Variants in ZDHHC2 observed in about 807,000 individuals in gnomAD.
ZDHHC2 encodes zDHHC palmitoyltransferase 2.
In ZDHHC2, 51 loss-of-function variants were observed where a neutral mutation model predicts 55.6. The observed-to-expected ratio is 0.92, with a 90% CI of 0.73 to 1.16. The LOEUF (loss-of-function observed/expected upper bound fraction) is 1.16, where lower values mean the gene tolerates loss of function less well. Among genes scored for constraint, ZDHHC2 ranks in the 50% most tolerant of loss-of-function variants. The pLI, the probability that ZDHHC2 is intolerant of heterozygous loss-of-function variation, is 0.00. For missense variants in ZDHHC2, 491 were observed against 442.4 expected, an observed-to-expected ratio of 1.11 and a Z score of -0.99; for synonymous variants, 199 against 152.9, an observed-to-expected ratio of 1.30 and a Z score of -2.22.
intron 3 of ZDHHC2, among the ~76,000 whole-genome samples, chr8:17,188,686 C>A (rs1020453744): frequency 1.3e-5 from 2 of 152,014 alleles, no homozygotes; most frequent in African/African-American, 4.8e-5. Flanking sequence ...ATGTGTCACC[C>A]CAGTGCCGCA....
intron 1 of ZDHHC2, among the ~76,000 whole-genome samples, chr8:17,182,675 T>TA (rs1352967080): frequency 2.0e-5 from 3 of 152,156 alleles, no homozygotes; most frequent in Non-Finnish European, 4.4e-5. Context: ...ATAATAGCTT[T>TA]AAAAACAAAG....
intron 1 of ZDHHC2, among the ~76,000 whole-genome samples, chr8:17,170,566 A>G (rs1226514479): frequency 1.3e-5 from 2 of 152,230 alleles, no homozygotes; most frequent in Non-Finnish European, 2.9e-5. Context: ...TACTCAACAT[A>G]TAGCTGCTAA....
chr8:17,192,392 ATATACC>A (rs1176993277), intron 3 of ZDHHC2, among the ~76,000 whole-genome samples: 1 of 152,192 alleles, frequency 6.6e-6, no homozygotes, highest in African/African-American at 2.4e-5. Context: ...GCACATCTTC[ATATACC>A]TGTTTGCCCT....
intron 1 of ZDHHC2, among the ~76,000 whole-genome samples, chr8:17,181,342 G>A (rs1585672967): frequency 6.6e-6 from 1 of 152,144 alleles, no homozygotes; most frequent in Non-Finnish European, 1.5e-5. Context: ...GCTGGAAGTT[G>A]TAACGTTTTT....
At chr8:17,167,000 CT>C (rs1326197597) in intron 1 of ZDHHC2, among the ~76,000 whole-genome samples, 2 of 152,184 alleles carry the variant, frequency 1.3e-5, no homozygotes, top group Non-Finnish European at 2.9e-5. Context: ...CTTAACTTTT[CT>C]TATTATCTGA....
At position 17,210,032 on chromosome 8, in the gene ZDHHC2, G is replaced by A. The variant is rs1807300258; in HGVS notation, c.831G>A (p.Lys277=). The part of the protein sequence containing the change: ...NMRQVFGDEK[K]YWLLPIFSSL... ...GACAAGTTTTTGGTGATGAGAAGAAGTACTGGTTGCTACCCATTTTTTCAA... is the reference window on the plus strand; with the variant it reads ...GACAAGTTTTTGGTGATGAGAAGAAATACTGGTTGCTACCCATTTTTTCAA... The change falls in exon 9 of 13, where the codon AAG becomes AAA. Residue 277 remains lysine, a synonymous_variant. Transcript: ENST00000262096. 6.2e-7 allele frequency: 1 copy of A among 1,606,016 alleles called. No homozygotes were observed. Among genetic ancestry groups the A allele is most frequent in the Non-Finnish European group, 8.5e-7 (1 of 1,175,554 alleles).
chr8:17,169,781 G>A (rs1004376318), intron 1 of ZDHHC2, among the ~76,000 whole-genome samples: 1 of 152,156 alleles, frequency 6.6e-6, no homozygotes, highest in Non-Finnish European at 1.5e-5. Flanking sequence ...GGAAACCTGA[G>A]ATGCAGTTTA....
chr8:17,175,548 GTGA>G (rs1300805946), intron 1 of ZDHHC2, among the ~76,000 whole-genome samples: 2 of 152,156 alleles, frequency 1.3e-5, no homozygotes, highest in Admixed American at 1.3e-4. Flanking sequence ...TCACAGTTTG[GTGA>G]TGAATTTATC....
intron 6 of ZDHHC2, among the ~76,000 whole-genome samples, chr8:17,204,764 A>G (rs1807013302): frequency 6.6e-6 from 1 of 152,218 alleles, no homozygotes; most frequent in Admixed American, 6.5e-5. Context: ...CCCACAACTC[A>G]CGTTTACCTG....
chr8:17,202,085 A>T (rs1806813429), intron 6 of ZDHHC2, among the ~76,000 whole-genome samples: 1 of 152,224 alleles, frequency 6.6e-6, no homozygotes, highest in African/African-American at 2.4e-5. Context: ...TAATACTTTC[A>T]CATGCTTGCC....
rs61412744 is a variant in ZDHHC2 at position 17,202,734 on chromosome 8, TAC to T, written c.477-2901_477-2900del. Among the ~76,000 whole-genome samples, 105 of 149,670 alleles carry T rather than the reference TAC, an allele frequency of 7.0e-4. 1 individual carries two copies. The highest frequency in any genetic ancestry group is 2.2e-3 in the Admixed American group (33 of 15,004). Reference sequence around the variant, plus strand: ...TATTTCTTCTAGTTATATATATATATACACACACACACACACACACATATACA... The same window carrying T: ...TATTTCTTCTAGTTATATATATATATACACACACACACACACACATATACA... On this transcript the variant is annotated intron_variant, in intron 6 of 12. Transcript: ENST00000262096.
At position 17,189,126 on chromosome 8, in the gene ZDHHC2, T is replaced by C. The variant is rs1048123757; in HGVS notation, c.252+2701T>C. Among the ~76,000 whole-genome samples, 4 of 108,072 alleles carry C rather than the reference T, an allele frequency of 3.7e-5. No individual in the cohort carries two copies. In the South Asian group the frequency reaches 8.0e-4, roughly 22 times the overall value. The allele number at this position is 108,072 out of a possible 152,430, so 70.9% of individuals were successfully genotyped here. A position where few individuals can be genotyped will look rare whatever the true frequency, so the allele number is the denominator to read the frequency against. ...GGTTTTTTTTTTTGGTGTTTTGTTA[T>C]GTTTTTTTTTTTTTTTTTTTGGCCT... On this transcript the variant is annotated intron_variant, in intron 3 of 12. Coordinates refer to ENST00000262096, the MANE Select transcript of ZDHHC2 (RefSeq NM_016353.5).
intron 3 of ZDHHC2, among the ~76,000 whole-genome samples, chr8:17,191,036 A>G (rs189822498): frequency 7.7e-4 from 99 of 128,762 alleles, no homozygotes; most frequent in Middle Eastern, 0.012. Flanking sequence ...ATCTTGGCTC[A>G]CTGCAACCTC....
At chr8:17,187,491 A>G (rs993587943) in intron 3 of ZDHHC2, among the ~76,000 whole-genome samples, 24 of 152,288 alleles carry the variant, frequency 1.6e-4, no homozygotes, top group South Asian at 4.1e-4. Flanking sequence ...AAGCCAATAA[A>G]TATGCTATTT....
At chr8:17,185,515 C>T (rs1034522744) in intron 2 of ZDHHC2, among the ~76,000 whole-genome samples, 2 of 151,496 alleles carry the variant, frequency 1.3e-5, no homozygotes, top group South Asian at 2.1e-4. Context: ...AAGAAAAATA[C>T]TAACATTAGC....
intron 3 of ZDHHC2, among the ~76,000 whole-genome samples, chr8:17,193,746 G>A (rs1269795359): frequency 6.6e-6 from 1 of 152,050 alleles, no homozygotes; most frequent in Non-Finnish European, 1.5e-5. Flanking sequence ...TTTTTTAAAT[G>A]TAATAGTCCA....
chr8:17,187,540 C>T (rs1458314128), intron 3 of ZDHHC2, among the ~76,000 whole-genome samples: 2 of 152,134 alleles, frequency 1.3e-5, no homozygotes, highest in Non-Finnish European at 1.5e-5. Context: ...GATGTTTGCG[C>T]AGAATTAATG....
intron 10 of ZDHHC2, among the ~76,000 whole-genome samples, chr8:17,210,822 C>T (rs576445815): frequency 6.6e-6 from 1 of 152,054 alleles, no homozygotes; most frequent in Non-Finnish European, 1.5e-5. Flanking sequence ...AGGGTAAAAT[C>T]GCCCCTGACC....
chr8:17,203,770 C>T (rs1465252185), intron 6 of ZDHHC2, among the ~76,000 whole-genome samples: 2 of 151,758 alleles, frequency 1.3e-5, no homozygotes, highest in African/African-American at 4.8e-5. Context: ...TAACTGTTTC[C>T]ATACAATGTG....
Sources: allele counts gnomAD v4.1 joint callset (sites outside exome capture counted in the v4.1 genomes callset), GRCh38; gene constraint gnomAD v4.1.1; transcripts MANE v1.5; gene names NCBI Gene and HGNC (gene_info 2026-07-23, HGNC 2026-07-21).